Variants in EFNA5 observed in about 807,000 individuals in gnomAD.
EFNA5 encodes ephrin A5, also known as ephrin-A5.
A neutral mutation model predicts 22.9 loss-of-function variants in EFNA5; 5 were observed. That is an observed-to-expected ratio of 0.22 (90% CI 0.11 to 0.46). The LOEUF (loss-of-function observed/expected upper bound fraction) is 0.46. Among genes scored for constraint, EFNA5 ranks in the 20% least tolerant of loss-of-function variants. The probability of loss-of-function intolerance (pLI) is 0.99; values close to 1 mark genes in which losing one functional copy is unlikely to be tolerated. For synonymous variants in EFNA5, 113 were observed against 112.2 expected (o/e 1.01, Z -0.04); for missense variants, 237 against 293.3 (o/e 0.81, Z 1.40).
At chr5:107,593,443 A>G (rs1749416780) in intron 1 of EFNA5, among the ~76,000 whole-genome samples, 1 of 152,200 alleles carries the variant, frequency 6.6e-6, no homozygotes, top group Non-Finnish European at 1.5e-5. Flanking sequence ...AGGAAACAGC[A>G]CTGCTTCTGA....
intron 1 of EFNA5, among the ~76,000 whole-genome samples, chr5:107,504,366 C>T (rs149342803): frequency 0.011 from 1,745 of 151,894 alleles, 32 homozygotes; most frequent in African/African-American, 0.04. Context: ...TCCCTACACT[C>T]GAAGAGGATA....
intron 1 of EFNA5, among the ~76,000 whole-genome samples, chr5:107,595,861 A>G (rs1561444490): frequency 6.6e-6 from 1 of 152,222 alleles, no homozygotes; most frequent in African/African-American, 2.4e-5. Context: ...AGGCATCTAC[A>G]TACCCAATAA....
chr5:107,623,699 G>A (rs1173002759), intron 1 of EFNA5, among the ~76,000 whole-genome samples: 3 of 148,390 alleles, frequency 2.0e-5, no homozygotes, highest in Non-Finnish European at 4.5e-5. Context: ...AAAGAGGAGG[G>A]GGAGATTCAA....
intron 2 of EFNA5, among the ~76,000 whole-genome samples, chr5:107,398,771 C>T (rs557338941): frequency 6.7e-6 from 1 of 148,758 alleles, no homozygotes; most frequent in East Asian, 2.0e-4. Flanking sequence ...AGGAGAATGG[C>T]TTGAGCCCAG....
chr5:107,551,910 A>G (rs1050114406), intron 1 of EFNA5, among the ~76,000 whole-genome samples: 3 of 152,216 alleles, frequency 2.0e-5, no homozygotes, highest in Admixed American at 1.3e-4. Flanking sequence ...AGCTTTTAAA[A>G]AAAAAAGGCT....
intron 1 of EFNA5, among the ~76,000 whole-genome samples, chr5:107,629,123 G>A (rs561846519): frequency 5.3e-5 from 8 of 151,960 alleles, no homozygotes; most frequent in African/African-American, 9.7e-5. Context: ...AAATTACTAC[G>A]TGCATGTATT....
chr5:107,550,741 C>T (rs974662095), intron 1 of EFNA5, among the ~76,000 whole-genome samples: 2 of 152,124 alleles, frequency 1.3e-5, no homozygotes, highest in Non-Finnish European at 2.9e-5. Context: ...GCTGAAGTCT[C>T]GTCAAATGCC....
At chr5:107,612,051 T>G (rs561503611) in intron 1 of EFNA5, among the ~76,000 whole-genome samples, 1 of 152,344 alleles carries the variant, frequency 6.6e-6, no homozygotes, top group African/African-American at 2.4e-5. Flanking sequence ...TTAACAGATA[T>G]TCTTCAAATA....
intron 1 of EFNA5, among the ~76,000 whole-genome samples, chr5:107,631,665 T>C (rs865776072): frequency 6.6e-6 from 1 of 152,164 alleles, no homozygotes; most frequent in South Asian, 2.1e-4. Context: ...TTATACCTTA[T>C]TAAATTATCT....
At chr5:107,637,504 G>GTC in intron 1 of EFNA5, among the ~76,000 whole-genome samples, 1 of 150,848 alleles carries the variant, frequency 6.6e-6, no homozygotes. Flanking sequence ...CACTGTGTGT[G>GTC]TGTGTGTGTG....
intron 1 of EFNA5, among the ~76,000 whole-genome samples, chr5:107,461,488 G>C (rs1482523170): frequency 6.6e-6 from 1 of 151,842 alleles, no homozygotes; most frequent in Non-Finnish European, 1.5e-5. Context: ...AAATATAGAG[G>C]GGGGAAAAAA....
chr5:107,464,729 C>T (rs936242494), intron 1 of EFNA5, among the ~76,000 whole-genome samples: 2 of 152,134 alleles, frequency 1.3e-5, no homozygotes, highest in Non-Finnish European at 2.9e-5. Flanking sequence ...AAATTAACTA[C>T]CAGTCCCCAA....
chr5:107,529,844 A>G (rs1244667656), intron 1 of EFNA5, among the ~76,000 whole-genome samples: 3 of 152,254 alleles, frequency 2.0e-5, no homozygotes, highest in African/African-American at 7.2e-5. Flanking sequence ...TAGGGAGCCT[A>G]GGCTAAGACA....
chr5:107,622,485 T>C (rs1750056010), intron 1 of EFNA5, among the ~76,000 whole-genome samples: 1 of 152,204 alleles, frequency 6.6e-6, no homozygotes, highest in Admixed American at 6.5e-5. Context: ...TAATATTATT[T>C]AGTATCTTAT....
At position 107,651,108 on chromosome 5, in the gene EFNA5, A is replaced by G. The variant is rs1167811533; in HGVS notation, c.125+19381T>C. On this transcript the variant is annotated intron_variant, in intron 1 of 4. Coordinates refer to ENST00000333274, the MANE Select transcript of EFNA5 (RefSeq NM_001962.3). The stretch of plus-strand genomic sequence containing the variant: ...AATTCTGCCCCAAGGTCACCCTTCA[A>G]CATTTCATCAAGTTCTGTTAGACAA... Among the ~76,000 whole-genome samples, 7 of 152,190 alleles carry G rather than the reference A, an allele frequency of 4.6e-5. No individual in the cohort carries two copies. The East Asian group carries it at 1.3e-3, about 29-fold the overall frequency.
intron 1 of EFNA5, among the ~76,000 whole-genome samples, chr5:107,505,939 A>T (rs571504162): frequency 3.2e-4 from 48 of 152,318 alleles, no homozygotes; most frequent in African/African-American, 1.1e-3. Context: ...AGCTTGCCCA[A>T]GGTGATAGAG....
intron 2 of EFNA5, among the ~76,000 whole-genome samples, chr5:107,407,971 T>C (rs1181071883): frequency 6.6e-6 from 1 of 152,216 alleles, no homozygotes; most frequent in Non-Finnish European, 1.5e-5. Flanking sequence ...CTCTGCTTTA[T>C]GATTCTATTT....
At position 107,572,064 on chromosome 5, in the gene EFNA5, G is replaced by A. The variant is rs183121014; in HGVS notation, c.125+98425C>T. Among the ~76,000 whole-genome samples, 26 of 152,244 alleles carry A rather than the reference G, an allele frequency of 1.7e-4. No individual in the cohort carries two copies. The East Asian group carries it at 5.0e-3, about 29-fold the overall frequency. On this transcript the variant is annotated intron_variant, in intron 1 of 4. Transcript: ENST00000333274. ...TACAGGTGTGGGCCGGGACCTTAGAGGGCAAAATAAAATGCTTCTGGAGTC... is the reference window on the plus strand; with the variant it reads ...TACAGGTGTGGGCCGGGACCTTAGAAGGCAAAATAAAATGCTTCTGGAGTC...
chr5:107,513,211 G>A (rs1747408502), intron 1 of EFNA5, among the ~76,000 whole-genome samples: 1 of 152,154 alleles, frequency 6.6e-6, no homozygotes, highest in African/African-American at 2.4e-5. Flanking sequence ...TTTGGGGCTG[G>A]GAAAAGAGGG....
Sources: allele counts gnomAD v4.1 joint callset (sites outside exome capture counted in the v4.1 genomes callset), GRCh38; gene constraint gnomAD v4.1.1; transcripts MANE v1.5; gene names NCBI Gene and HGNC (gene_info 2026-07-23, HGNC 2026-07-21).